SEMA5B: variants seen among roughly 807,000 people sequenced by gnomAD.
SEMA5B encodes the protein semaphorin 5B.
In SEMA5B, 66 loss-of-function variants were observed where a neutral mutation model predicts 135.0. That is an observed-to-expected ratio of 0.49 (90% CI 0.40 to 0.60). The LOEUF (loss-of-function observed/expected upper bound fraction) is 0.60. SEMA5B is among the 20% of genes least tolerant of loss of function. The pLI is 0.00. For missense variants in SEMA5B, 1,501 were observed against 1,566.3 expected (o/e 0.96, Z 0.70); for synonymous variants, 690 against 639.5 (o/e 1.08, Z -1.19).
intron 1 of SEMA5B, among the ~76,000 whole-genome samples, chr3:122,997,457 C>A (rs61575306): frequency 6.6e-6 from 1 of 151,762 alleles, no homozygotes; most frequent in Admixed American, 6.6e-5. Context: ...GACCTTACCC[C>A]ATCCCCTGGT....
intron 1 of SEMA5B, among the ~76,000 whole-genome samples, chr3:122,977,405 C>T (rs960504212): frequency 3.9e-5 from 6 of 152,256 alleles, no homozygotes; most frequent in South Asian, 4.2e-4. Flanking sequence ...ATACTCATAC[C>T]GAAATACTCT....
intron 1 of SEMA5B, 103 bp downstream of exon 1, chr3:123,027,361 C>T (rs377338455): frequency 6.6e-6 from 1 of 152,452 alleles, no homozygotes; most frequent in Non-Finnish European, 1.5e-5. Context: ...TGCCAGAGCC[C>T]GGACCCCTAC....
At chr3:122,952,599 C>T (rs979940394) in intron 2 of SEMA5B, among the ~76,000 whole-genome samples, 2 of 152,240 alleles carry the variant, frequency 1.3e-5, no homozygotes, top group African/African-American at 4.8e-5. Flanking sequence ...GAGTGATCGA[C>T]TAGCATGAGT....
intron 3 of SEMA5B, among the ~76,000 whole-genome samples, chr3:122,945,309 C>T (rs147641308): frequency 5.9e-5 from 9 of 152,270 alleles, no homozygotes; most frequent in African/African-American, 2.2e-4. Context: ...GTCATGTAGT[C>T]ACGATGGCTT....
intron 8 of SEMA5B, 46 bp downstream of exon 8, chr3:122,927,744 C>A (rs73856750): frequency 0.14 from 189,520 of 1,342,096 alleles, 13,938 homozygotes; most frequent in Middle Eastern, 0.2. Context: ...GGCTGGTGGG[C>A]TCAAAACCAG....
At chr3:122,961,464 C>CTTT in intron 1 of SEMA5B, among the ~76,000 whole-genome samples, 163 bp from the exon 2 acceptor site, 1 of 145,106 alleles carries the variant, frequency 6.9e-6, no homozygotes. Context: ...TTGAAACAAA[C>CTTT]TTTTTTTTTT....
At position 122,966,305 on chromosome 3, in the gene SEMA5B, T is replaced by C. The variant is rs1370385685; in HGVS notation, c.-38-5004A>G. ...GAAGACAGTTGATAAATGTTTTCAT[T>C]TGAAGTTGATGCTTTGGAGGGTGCA... On this transcript the variant is annotated intron_variant, in intron 1 of 22. Coordinates refer to ENST00000357599, the MANE Select transcript of SEMA5B (RefSeq NM_001031702.4). Among the ~76,000 whole-genome samples, 7 of 152,246 alleles carry C rather than the reference T, an allele frequency of 4.6e-5. No individual in the cohort carries two copies. In the South Asian group the frequency reaches 1.2e-3, roughly 27 times the overall value.
chr3:122,966,130 A>G (rs997354549), intron 1 of SEMA5B, among the ~76,000 whole-genome samples: 1 of 151,796 alleles, frequency 6.6e-6, no homozygotes, highest in African/African-American at 2.4e-5. Context: ...CCTCCTCCCC[A>G]CTTCCCATGA....
chr3:122,989,771 C>T (rs1941818436), intron 1 of SEMA5B, among the ~76,000 whole-genome samples: 1 of 152,188 alleles, frequency 6.6e-6, no homozygotes, highest in Admixed American at 6.5e-5. Context: ...CTCCCTTACT[C>T]CAATGTCCGT....
chr3:122,966,885 T>G (rs1940866900), intron 1 of SEMA5B, among the ~76,000 whole-genome samples: 1 of 144,658 alleles, frequency 6.9e-6, no homozygotes, highest in Non-Finnish European at 1.5e-5. Flanking sequence ...TTATTATTAT[T>G]ATTATTATTA....
chr3:122,999,258 C>G (rs1477514793), intron 1 of SEMA5B, among the ~76,000 whole-genome samples: 1 of 152,136 alleles, frequency 6.6e-6, no homozygotes. Context: ...TGGAGTCTCA[C>G]TCTTGTCGCC....
At chr3:122,963,690 C>A (rs1314673780) in intron 1 of SEMA5B, among the ~76,000 whole-genome samples, 1 of 152,104 alleles carries the variant, frequency 6.6e-6, no homozygotes, top group Non-Finnish European at 1.5e-5. Context: ...GAACACGGGG[C>A]ATCGGGAGGA....
chr3:123,012,062 C>T (rs772674001), intron 1 of SEMA5B, among the ~76,000 whole-genome samples: 2 of 152,202 alleles, frequency 1.3e-5, no homozygotes, highest in Non-Finnish European at 2.9e-5. Flanking sequence ...ACTTTGGCTT[C>T]GCCGTGGCCT....
At chr3:123,022,017 A>G (rs1942693063) in intron 1 of SEMA5B, among the ~76,000 whole-genome samples, 1 of 152,176 alleles carries the variant, frequency 6.6e-6, no homozygotes, top group South Asian at 2.1e-4. Flanking sequence ...CAAAGAATCC[A>G]CAGAAAAGTC....
At position 122,976,142 on chromosome 3, in the gene SEMA5B, T is replaced by C. The variant is rs1213629569; in HGVS notation, c.-38-14841A>G. On this transcript the variant is annotated intron_variant, in intron 1 of 22. Coordinates refer to ENST00000357599, the MANE Select transcript of SEMA5B (RefSeq NM_001031702.4). ...GCAGCATGTGGTTTATACACTCTCA[T>C]CACTTCCTCACCCTGTGTTGGGCTG... 2.0e-6 allele frequency: 3 copies of C among 1,534,982 alleles called. No homozygotes were observed. In the African/African-American group the frequency reaches 4.1e-5, roughly 21 times the overall value.
chr3:123,018,103 T>A (rs973069041), intron 1 of SEMA5B, among the ~76,000 whole-genome samples: 4 of 152,090 alleles, frequency 2.6e-5, no homozygotes, highest in Admixed American at 1.3e-4. Context: ...GGAAAGGAAG[T>A]GGTGTTCCAG....
At position 122,926,477 on chromosome 3, in the gene SEMA5B, C is replaced by T. The variant is rs1422801921; in HGVS notation, c.1051G>A (p.Glu351Lys). Residue 351 changes from glutamate to lysine, a missense_variant, in exon 9 of 23, where the codon GAG becomes AAG. This residue lies in a region of SEMA5B where 574 missense variants were observed against 684.7 expected (regional missense o/e 0.84). Coordinates refer to ENST00000357599, the MANE Select transcript of SEMA5B (RefSeq NM_001031702.4). ...KARLNCSRPG[E>K]VPFYYNELQS... ...AGCTCGTTATAGTAGAAGGGGACCT[C>T]GCCCGGGCGGGAGCAGTTGAGCCGG... 3 of 1,614,208 alleles carry T rather than the reference C, an allele frequency of 1.9e-6. No homozygotes were observed. The highest frequency in any genetic ancestry group is 1.7e-5 in the Admixed American group (1 of 60,022).
In SEMA5B at chr3:122,923,577, G is replaced by A; in HGVS notation, c.1272+40C>T. On this transcript the variant is annotated intron_variant, in intron 10 of 22. Transcript: ENST00000357599. The stretch of plus-strand genomic sequence containing the variant: ...TTGTGGCTGGTAATCTGGGGGTAAG[G>A]CAGTGTGTGAAGACAGGGAAAGAGG... The A allele has an allele frequency of 3.1e-6, 5 of 1,611,226 alleles. No individual in the cohort carries two copies. In the African/African-American group the frequency reaches 4.0e-5, roughly 13 times the overall value.
At chr3:123,016,824 C>A (rs958806492) in intron 1 of SEMA5B, among the ~76,000 whole-genome samples, 6 of 151,124 alleles carry the variant, frequency 4.0e-5, no homozygotes, top group Non-Finnish European at 5.9e-5. Flanking sequence ...TAAAGTGATT[C>A]TCTGGCTTCA....
Sources: gnomAD v4.1 joint callset for allele counts (sites outside exome capture counted in the v4.1 genomes callset) on GRCh38, gnomAD v4.1.1 for gene constraint, gnomAD v4.1.1 regional missense constraint, MANE v1.5 for transcripts, NCBI Gene and HGNC (gene_info 2026-07-23, HGNC 2026-07-21) for gene names.